The following GCH1 variants were observed in gnomAD, a reference collection of about 807,000 sequenced individuals.
The protein encoded by GCH1 is GTP cyclohydrolase 1.
A neutral mutation model predicts 25.9 loss-of-function variants in GCH1; 5 were observed. The observed-to-expected ratio is 0.19, with a 90% confidence interval of 0.10 to 0.41. The LOEUF (loss-of-function observed/expected upper bound fraction) is 0.41, where lower values mean the gene tolerates loss of function less well. Ranked by LOEUF, GCH1 falls within the 10% of genes least tolerant of loss-of-function variation. The pLI, the probability that GCH1 is intolerant of heterozygous loss-of-function variation, is 1.00. For synonymous variants in GCH1, 159 were observed against 129.6 expected, an observed-to-expected ratio of 1.23 and a Z score of -1.54; for missense variants, 261 against 336.5, an observed-to-expected ratio of 0.78 and a Z score of 1.75.
intron 4 of GCH1, among the ~76,000 whole-genome samples, chr14:54,846,311 AT>A (rs1345770956): frequency 6.6e-6 from 1 of 152,224 alleles, no homozygotes; most frequent in Non-Finnish European, 1.5e-5. Flanking sequence ...CCTGTCCTGA[AT>A]AAAATGACTT....
chr14:54,887,429 C>CAA (rs149856065), intron 1 of GCH1, among the ~76,000 whole-genome samples: 33,196 of 152,000 alleles, frequency 0.22, 3,726 homozygotes, highest in African/African-American at 0.25. Context: ...AACAAACAAA[C>CAA]AAAAATCATA....
At chr14:54,900,680 G>T (rs900666925) in intron 1 of GCH1, among the ~76,000 whole-genome samples, 5 of 152,006 alleles carry the variant, frequency 3.3e-5, no homozygotes, top group African/African-American at 1.2e-4. Flanking sequence ...CTCTCTCTTT[G>T]GGTAATTAGA....
At position 54,842,941 on chromosome 14, in the gene GCH1, C is replaced by A. The variant is rs1474138041; in HGVS notation, c.*1076G>T. ...ACCAGAAGCTTCCAGTGCATTTTCA[C>A]AGATCGTTGGTACGATACGCTTTGG... On this transcript the variant is annotated 3_prime_UTR_variant, in exon 6 of 6. Coordinates refer to ENST00000491895, the MANE Select transcript of GCH1 (RefSeq NM_000161.3). 6.1e-6 allele frequency: 4 copies of A among 661,036 alleles called. No homozygotes were observed. The highest frequency in any genetic ancestry group is 5.5e-5 in the African/African-American group (3 of 54,766). 40.9% of individuals were successfully genotyped at this position (661,036 alleles called of 1,614,324 possible).
At chr14:54,889,381 G>T (rs1047271811) in intron 1 of GCH1, among the ~76,000 whole-genome samples, 7 of 152,232 alleles carry the variant, frequency 4.6e-5, no homozygotes, top group African/African-American at 1.7e-4. Context: ...ATTTTAGTGA[G>T]AGATTCCTTG....
intron 4 of GCH1, 58 bp from the exon 5 acceptor site, chr14:54,845,910 T>A: frequency 1.1e-6 from 1 of 917,120 alleles, no homozygotes. Flanking sequence ...TGGAAGCTTT[T>A]TCTGTCTCTA....
intron 1 of GCH1, among the ~76,000 whole-genome samples, chr14:54,883,529 A>T (rs1595011555): frequency 6.6e-6 from 1 of 152,214 alleles, no homozygotes; most frequent in South Asian, 2.1e-4. Context: ...AATACAAAAA[A>T]TTAGCTGGGC....
rs1331638561 is a variant in GCH1, at chr14:54,842,551, G to C, written c.*1466C>G. 1 of 153,228 alleles carries C rather than the reference G, an allele frequency of 6.5e-6. No individual in the cohort carries two copies. Among genetic ancestry groups the C allele is most frequent in the Non-Finnish European group, 1.5e-5 (1 of 68,746 alleles). The allele number at this position is 153,228 out of a possible 1,614,324, so 9.5% of individuals were successfully genotyped here. On this transcript the variant is annotated 3_prime_UTR_variant, in exon 6 of 6. Transcript: ENST00000491895. The stretch of plus-strand genomic sequence containing the variant: ...AAAGCTAGGAAACAGAAGTAGAGAG[G>C]AATGGAAAAAAACAAAAAAACCCAA...
intron 1 of GCH1, among the ~76,000 whole-genome samples, chr14:54,892,978 C>A (rs1319086458): frequency 6.6e-6 from 1 of 152,080 alleles, no homozygotes; most frequent in Non-Finnish European, 1.5e-5. Context: ...ACTCGGGAGG[C>A]CGAGGCAGGG....
chr14:54,885,584 G>T, intron 1 of GCH1: 1 of 391,966 alleles, frequency 2.6e-6, no homozygotes. Context: ...GATGTCATCT[G>T]CCACCAGGAA....
At chr14:54,874,398 C>A (rs1389894877) in intron 1 of GCH1, among the ~76,000 whole-genome samples, 1 of 152,152 alleles carries the variant, frequency 6.6e-6, no homozygotes, top group Non-Finnish European at 1.5e-5. Context: ...ACTGAATGGG[C>A]AAAAACTGGA....
intron 1 of GCH1, among the ~76,000 whole-genome samples, chr14:54,867,589 C>CGAAAAAAAAAAA (rs2040006509): frequency 2.1e-5 from 1 of 46,670 alleles, no homozygotes; most frequent in South Asian, 1.3e-3. Flanking sequence ...GACTCCGTCT[C>CGAAAAAAAAAAA]AAAAAAAAAA....
At chr14:54,866,624 C>T (rs1452014907) in intron 1 of GCH1, among the ~76,000 whole-genome samples, 1 of 152,000 alleles carries the variant, frequency 6.6e-6, no homozygotes, top group Admixed American at 6.6e-5. Context: ...AGCTCTTTCC[C>T]CTCAGAAAGG....
chr14:54,853,223 C>CA (rs1205610219), intron 3 of GCH1, among the ~76,000 whole-genome samples: 2 of 152,164 alleles, frequency 1.3e-5, no homozygotes, highest in Non-Finnish European at 2.9e-5. Flanking sequence ...CTTGGCCTCC[C>CA]AAAGTGCTGA....
chr14:54,853,676 T>C (rs1033816214), intron 3 of GCH1, among the ~76,000 whole-genome samples: 3 of 152,228 alleles, frequency 2.0e-5, no homozygotes, highest in Non-Finnish European at 4.4e-5. Flanking sequence ...AAACAGTACT[T>C]CTATACTAGC....
At chr14:54,858,305 A>G (rs960354024) in intron 3 of GCH1, among the ~76,000 whole-genome samples, 7 of 151,956 alleles carry the variant, frequency 4.6e-5, no homozygotes, top group Non-Finnish European at 1.0e-4. Context: ...TATTTTTTTG[A>G]GATAGGGTCT....
intron 1 of GCH1, among the ~76,000 whole-genome samples, chr14:54,886,509 G>A (rs141236097): frequency 0.016 from 2,448 of 152,270 alleles, 35 homozygotes; most frequent in South Asian, 0.048. Context: ...CTGCTCGGGG[G>A]GCTGAGGCAG....
chr14:54,844,774 CT>C (rs1364237741), intron 5 of GCH1, among the ~76,000 whole-genome samples: 1 of 152,194 alleles, frequency 6.6e-6, no homozygotes, highest in Non-Finnish European at 1.5e-5. Context: ...TGTACCAATT[CT>C]TGGCTTTATT....
At chr14:54,870,497 G>C (rs1399315004) in intron 1 of GCH1, among the ~76,000 whole-genome samples, 3 of 152,222 alleles carry the variant, frequency 2.0e-5, no homozygotes, top group Non-Finnish European at 4.4e-5. Flanking sequence ...GTGTCGGACA[G>C]TGGGTGCAGG....
chr14:54,851,450 A>G (rs1292195196), intron 3 of GCH1, among the ~76,000 whole-genome samples: 2 of 152,238 alleles, frequency 1.3e-5, no homozygotes, highest in African/African-American at 4.8e-5. Context: ...ACAGAATGGG[A>G]GAAAATTTTT....
Sources: gnomAD v4.1 joint callset for allele counts (sites outside exome capture counted in the v4.1 genomes callset) on GRCh38, gnomAD v4.1.1 for gene constraint, MANE v1.5 for transcripts, NCBI Gene and HGNC (gene_info 2026-07-23, HGNC 2026-07-21) for gene names.